The following HS6ST3 variants were observed in gnomAD, a reference collection of about 807,000 sequenced individuals.
The protein encoded by HS6ST3 is heparan-sulfate 6-O-sulfotransferase 3.
A neutral mutation model predicts 36.7 loss-of-function variants in HS6ST3; 12 were observed. The ratio of observed to expected loss-of-function variants is 0.33; its 90% CI spans 0.21 to 0.53. HS6ST3 has a LOEUF of 0.53. Ranked by LOEUF, HS6ST3 falls within the 20% of genes least tolerant of loss-of-function variation. The probability of loss-of-function intolerance (pLI) is 0.95; values close to 1 mark genes in which losing one functional copy is unlikely to be tolerated. For missense variants in HS6ST3, 584 were observed against 640.9 expected, an observed-to-expected ratio of 0.91 and a Z score of 0.96; for synonymous variants, 240 against 257.5, an observed-to-expected ratio of 0.93 and a Z score of 0.65.
At chr13:96,822,508 C>T (rs746073413) in intron 1 of HS6ST3, among the ~76,000 whole-genome samples, 4 of 152,140 alleles carry the variant, frequency 2.6e-5, no homozygotes, top group East Asian at 3.9e-4. Flanking sequence ...GACAACCACC[C>T]GAAAATCATG....
chr13:96,381,824 C>T (rs1397472693), intron 1 of HS6ST3, among the ~76,000 whole-genome samples: 3 of 152,062 alleles, frequency 2.0e-5, no homozygotes, highest in Non-Finnish European at 2.9e-5. Context: ...CCTAGAGTTA[C>T]GGGGATGGCC....
At chr13:96,761,073 CT>C (rs1020261762) in intron 1 of HS6ST3, among the ~76,000 whole-genome samples, 1 of 151,536 alleles carries the variant, frequency 6.6e-6, no homozygotes, top group Non-Finnish European at 1.5e-5. Context: ...TCTCTGGAAA[CT>C]TTTAGCATTT....
At chr13:96,540,029 G>C (rs948810199) in intron 1 of HS6ST3, among the ~76,000 whole-genome samples, 4 of 152,224 alleles carry the variant, frequency 2.6e-5, no homozygotes, top group Non-Finnish European at 5.9e-5. Flanking sequence ...CCATTGACAG[G>C]CCTGACAAGT....
chr13:96,559,227 G>A (rs549424965), intron 1 of HS6ST3, among the ~76,000 whole-genome samples: 5 of 151,850 alleles, frequency 3.3e-5, no homozygotes, highest in Admixed American at 6.6e-5. Flanking sequence ...GGTGATTCTC[G>A]TGCATCAGCC....
chr13:96,430,412 C>T (rs2055608942), intron 1 of HS6ST3, among the ~76,000 whole-genome samples: 1 of 152,180 alleles, frequency 6.6e-6, no homozygotes, highest in Non-Finnish European at 1.5e-5. Context: ...AATACCTTTC[C>T]AGGACGGTGT....
chr13:96,567,974 A>G (rs907663828), intron 1 of HS6ST3, among the ~76,000 whole-genome samples: 1 of 152,184 alleles, frequency 6.6e-6, no homozygotes, highest in Non-Finnish European at 1.5e-5. Flanking sequence ...TTCTTATATC[A>G]TGTAATTATG....
intron 1 of HS6ST3, among the ~76,000 whole-genome samples, chr13:96,690,556 T>C (rs1254891553): frequency 2.0e-5 from 3 of 152,080 alleles, no homozygotes; most frequent in Non-Finnish European, 4.4e-5. Flanking sequence ...ATGGAAGGAA[T>C]AAATGCTGAG....
intron 1 of HS6ST3, among the ~76,000 whole-genome samples, chr13:96,689,687 C>T (rs1235521269): frequency 7.4e-6 from 1 of 135,008 alleles, no homozygotes; most frequent in Non-Finnish European, 1.5e-5. Context: ...CAAGAAAATG[C>T]AGCACAAGTT....
In HS6ST3 at chr13:96,091,011, C is replaced by G. The variant is rs750758063; in HGVS notation, c.149C>G (p.Ala50Gly). Residue 50 changes from alanine to glycine, a missense_variant, in exon 1 of 2, where the codon GCC (alanine) becomes GGC (glycine). Around this residue, in one of 3 missense-constraint regions of HS6ST3, gnomAD observed 217 missense variants for 205.4 expected, o/e 1.06. Transcript: ENST00000376705. ...QPRAGEAGPP[A>G]VPGPARRAQA... ...CGCGCGGGGGAGGCCGGCCCGCCCGCCGTCCCGGGTCCCGCCCGCCGGGCT... is the reference window on the plus strand; with the variant it reads ...CGCGCGGGGGAGGCCGGCCCGCCCGGCGTCCCGGGTCCCGCCCGCCGGGCT... 1.6e-6 allele frequency: 2 copies of G among 1,284,398 alleles called. No homozygotes were observed. Among genetic ancestry groups the G allele is most frequent in the Non-Finnish European group, 9.9e-7 (1 of 1,011,940 alleles). The allele number at this position is 1,284,398 out of a possible 1,614,324, so 79.6% of individuals were successfully genotyped here. A position where few individuals can be genotyped will look rare whatever the true frequency, so the allele number is the denominator to read the frequency against.
intron 1 of HS6ST3, among the ~76,000 whole-genome samples, chr13:96,336,224 C>A (rs1434520402): frequency 1.3e-5 from 2 of 152,176 alleles, no homozygotes; most frequent in African/African-American, 2.4e-5. Flanking sequence ...AATTCCCTGT[C>A]CATCCTTTGC....
chr13:96,430,118 C>T (rs2055607596), intron 1 of HS6ST3, among the ~76,000 whole-genome samples: 1 of 152,146 alleles, frequency 6.6e-6, no homozygotes, highest in Non-Finnish European at 1.5e-5. Flanking sequence ...GCTGTGGATG[C>T]TACAGGCTTT....
At chr13:96,391,054 C>G (rs942469979) in intron 1 of HS6ST3, among the ~76,000 whole-genome samples, 1 of 152,156 alleles carries the variant, frequency 6.6e-6, no homozygotes, top group Non-Finnish European at 1.5e-5. Flanking sequence ...ATCCCAGCCA[C>G]GCCGTACATC....
intron 1 of HS6ST3, among the ~76,000 whole-genome samples, chr13:96,120,280 A>C (rs943770181): frequency 1.3e-5 from 2 of 152,218 alleles, no homozygotes; most frequent in Non-Finnish European, 2.9e-5. Flanking sequence ...GAACTGGTAG[A>C]CTATATATTT....
chr13:96,326,373 C>G (rs868438584), intron 1 of HS6ST3, among the ~76,000 whole-genome samples: 1 of 143,146 alleles, frequency 7.0e-6, no homozygotes, highest in African/African-American at 2.6e-5. Flanking sequence ...TTCCCCTTCC[C>G]GTGTCCATGT....
At chr13:96,179,718 A>G (rs2054230392) in intron 1 of HS6ST3, among the ~76,000 whole-genome samples, 1 of 152,182 alleles carries the variant, frequency 6.6e-6, no homozygotes, top group Non-Finnish European at 1.5e-5. Context: ...CTTGGATTAT[A>G]CTTATGAGTC....
At chr13:96,454,294 G>A (rs1263537234) in intron 1 of HS6ST3, among the ~76,000 whole-genome samples, 1 of 152,148 alleles carries the variant, frequency 6.6e-6, no homozygotes, top group Non-Finnish European at 1.5e-5. Flanking sequence ...CCAGCCATGG[G>A]GGAGTAGGAT....
chr13:96,328,554 T>G (rs1488096271), intron 1 of HS6ST3, among the ~76,000 whole-genome samples: 1 of 151,972 alleles, frequency 6.6e-6, no homozygotes, highest in East Asian at 1.9e-4. Flanking sequence ...GTGGATGAGC[T>G]TTTTGATGTG....
chr13:96,627,411 T>C (rs2056516795), intron 1 of HS6ST3, among the ~76,000 whole-genome samples: 1 of 151,996 alleles, frequency 6.6e-6, no homozygotes, highest in African/African-American at 2.4e-5. Context: ...CCATGATAGA[T>C]TTTACTTGCA....
At chr13:96,813,782 A>G (rs1046644197) in intron 1 of HS6ST3, among the ~76,000 whole-genome samples, 1 of 152,234 alleles carries the variant, frequency 6.6e-6, no homozygotes, top group Non-Finnish European at 1.5e-5. Context: ...ATACTCACAA[A>G]TGATGTGATT....
Sources: allele counts gnomAD v4.1 joint callset (sites outside exome capture counted in the v4.1 genomes callset), GRCh38; gene constraint gnomAD v4.1.1; regional missense constraint gnomAD v4.1.1; transcripts MANE v1.5; gene names NCBI Gene and HGNC (gene_info 2026-07-23, HGNC 2026-07-21).